UBE3A: variants seen among roughly 807,000 people sequenced by gnomAD.
The protein encoded by UBE3A is ubiquitin-protein ligase E3A.
A neutral mutation model predicts 83.4 loss-of-function variants in UBE3A; 6 were observed. That is an observed-to-expected ratio of 0.07 (90% CI 0.04 to 0.14). UBE3A has a LOEUF of 0.14. Ranked by LOEUF, UBE3A falls within the 10% of genes least tolerant of loss-of-function variation. The probability of loss-of-function intolerance (pLI) is 1.00; values close to 1 mark genes in which losing one functional copy is unlikely to be tolerated. For synonymous variants in UBE3A, 337 were observed against 355.4 expected, an observed-to-expected ratio of 0.95 and a Z score of 0.58; for missense variants, 456 against 1,036.1, an observed-to-expected ratio of 0.44 and a Z score of 7.69.
intron 1 of UBE3A, among the ~76,000 whole-genome samples, chr15:25,422,780 G>T (rs1335530233): frequency 4.9e-5 from 7 of 143,006 alleles, no homozygotes; most frequent in Non-Finnish European, 9.0e-5. Context: ...TTTGAGACCA[G>T]TCTGGGCAAC....
intron 4 of UBE3A, among the ~76,000 whole-genome samples, chr15:25,383,932 T>C (rs2082631838): frequency 6.6e-6 from 1 of 152,110 alleles, no homozygotes; most frequent in Non-Finnish European, 1.5e-5. Flanking sequence ...CATGATCTTT[T>C]ATGTTGAAAA....
intron 6 of UBE3A, among the ~76,000 whole-genome samples, chr15:25,366,187 A>G (rs772057655): frequency 1.3e-5 from 2 of 152,172 alleles, no homozygotes; most frequent in Non-Finnish European, 2.9e-5. Flanking sequence ...TTCATTTTTG[A>G]TTTCAATTAG....
chr15:25,394,178 T>C (rs1323585812), intron 4 of UBE3A, among the ~76,000 whole-genome samples: 1 of 152,208 alleles, frequency 6.6e-6, no homozygotes, highest in Non-Finnish European at 1.5e-5. Context: ...ATTAATTAAA[T>C]GGGAAGCTGA....
intron 4 of UBE3A, among the ~76,000 whole-genome samples, chr15:25,404,574 T>C (rs569788810): frequency 6.8e-4 from 103 of 152,312 alleles, no homozygotes; most frequent in African/African-American, 2.4e-3. Flanking sequence ...ATTCCTATTA[T>C]ACCACTGTCA....
At chr15:25,428,662 T>C (rs1427388956) in intron 1 of UBE3A, among the ~76,000 whole-genome samples, 1 of 152,214 alleles carries the variant, frequency 6.6e-6, no homozygotes, top group Admixed American at 6.5e-5. Context: ...CCTATCCTTT[T>C]ACCTACGATT....
At position 25,360,495 on chromosome 15, in the gene UBE3A, G is replaced by A. The variant is rs1338270432; in HGVS notation, c.1641C>T (p.Asp547=). ...ATTCCACATACAACTGCTTCTTCAA[G>A]TCTGCAGGATTTTCCATAGCGATCA... ...LEMIAMENPA[D]LKKQLYVEFE... Residue 547 remains aspartate (D), a synonymous_variant, in exon 7 of 13, where the codon GAC becomes GAT. Coordinates refer to ENST00000648336, the MANE Select transcript of UBE3A (RefSeq NM_130839.5). 6.2e-7 allele frequency: 1 copy of A among 1,613,700 alleles called. No homozygotes were observed.
intron 7 of UBE3A, among the ~76,000 whole-genome samples, chr15:25,359,462 T>TGTGA (rs1462484004): frequency 2.1e-5 from 3 of 144,310 alleles, no homozygotes; most frequent in Non-Finnish European, 4.5e-5. Context: ...TGTGTGTGTG[T>TGTGA]GACTAAGAAC....
intron 6 of UBE3A, among the ~76,000 whole-genome samples, chr15:25,367,222 TAC>T (rs1423336482): frequency 2.7e-5 from 2 of 74,202 alleles, no homozygotes; most frequent in Non-Finnish European, 2.3e-5. Context: ...TGTAAATATT[TAC>T]ATATTTGTAA....
chr15:25,412,822 G>A (rs1358969436), intron 1 of UBE3A, among the ~76,000 whole-genome samples: 1 of 152,138 alleles, frequency 6.6e-6, no homozygotes, highest in Non-Finnish European at 1.5e-5. Context: ...TAAGGTTTTA[G>A]AGACTGACTT....
chr15:25,406,333 ATTAAC>A (rs2153054586), intron 3 of UBE3A, among the ~76,000 whole-genome samples: 1 of 152,326 alleles, frequency 6.6e-6, no homozygotes, highest in East Asian at 1.9e-4. Flanking sequence ...ATAGCTGTGA[ATTAAC>A]TTCAGTTTTA....
chr15:25,355,740 A>G (rs2152692272), intron 9 of UBE3A, 152 bp downstream of exon 9: 1 of 788,706 alleles, frequency 1.3e-6, no homozygotes. Context: ...TATATCCAAG[A>G]TTTAGAAAAG....
chr15:25,389,390 T>G (rs750897109), intron 4 of UBE3A, among the ~76,000 whole-genome samples: 3 of 151,834 alleles, frequency 2.0e-5, no homozygotes, highest in Non-Finnish European at 2.9e-5. Flanking sequence ...AAAATCTAGA[T>G]CTTGGGTTTG....
rs902955142 is a variant in UBE3A, at chr15:25,409,193, G to A, written c.-86C>T. On this transcript the variant is annotated 5_prime_UTR_variant, in exon 3 of 13. It adds an upstream start codon to the 5' untranslated region. Transcript: ENST00000648336. ...GTCTAGCTGCTACCTTGATCTGAGC[G>A]TAGGCTTAATAACTCTAATAAATTA... 1.2e-5 allele frequency: 16 copies of A among 1,319,654 alleles called. No homozygotes were observed. Among genetic ancestry groups the A allele is most frequent in the African/African-American group, 1.2e-4 (8 of 69,158 alleles). The allele number at this position is 1,319,654 out of a possible 1,614,324, so 81.7% of individuals were successfully genotyped here. A position where few individuals can be genotyped will look rare whatever the true frequency, so the allele number is the denominator to read the frequency against.
At chr15:25,396,110 G>A (rs1026438396) in intron 4 of UBE3A, among the ~76,000 whole-genome samples, 3 of 151,774 alleles carry the variant, frequency 2.0e-5, no homozygotes, top group African/African-American at 7.3e-5. Context: ...GCTGAGGCAG[G>A]AGAATTGCTT....
chr15:25,370,044 T>A lies in UBE3A; in HGVS notation c.1608+522A>T, dbSNP rs2080049920. ...CAGTGCCGTCCACACAGGGATATTC[T>A]AAGTGGCCCAGCAGGACTCAACTCT... On this transcript the variant is annotated intron_variant, in intron 6 of 12. Transcript: ENST00000648336. This position sits in a 1 kb window ranked among gnomAD's most constrained non-coding sequence, Gnocchi z 4.2. Among the ~76,000 whole-genome samples, 1 of 152,190 alleles carries A rather than the reference T, an allele frequency of 6.6e-6. No homozygotes were observed.
intron 11 of UBE3A, among the ~76,000 whole-genome samples, chr15:25,342,618 A>C (rs1022315062): frequency 2.8e-4 from 42 of 151,358 alleles, no homozygotes; most frequent in African/African-American, 1.0e-3. Context: ...CTAAAAATCT[A>C]CCCGGATCAA....
At chr15:25,381,518 T>C (rs1301352431) in intron 4 of UBE3A, among the ~76,000 whole-genome samples, 1 of 151,876 alleles carries the variant, frequency 6.6e-6, no homozygotes, top group Non-Finnish European at 1.5e-5. Context: ...AAAAGGAAAA[T>C]GTGACTGTAA....
intron 6 of UBE3A, among the ~76,000 whole-genome samples, chr15:25,362,366 C>G (rs2078253816): frequency 6.6e-6 from 1 of 152,162 alleles, no homozygotes; most frequent in African/African-American, 2.4e-5. Context: ...TATGGAAAGA[C>G]CAAGAGTCAG....
chr15:25,350,174 T>C (rs569240609), intron 11 of UBE3A, among the ~76,000 whole-genome samples: 17 of 152,136 alleles, frequency 1.1e-4, no homozygotes, highest in African/African-American at 3.6e-4. Flanking sequence ...CGTAAGAAGA[T>C]TGCATGAGCC....
Sources: gnomAD v4.1 joint callset for allele counts (sites outside exome capture counted in the v4.1 genomes callset) on GRCh38, gnomAD v4.1.1 for gene constraint, Gnocchi (gnomAD v3.1) non-coding constraint, MANE v1.5 for transcripts, NCBI Gene and HGNC (gene_info 2026-07-23, HGNC 2026-07-21) for gene names.